RDX: variants seen among roughly 807,000 people sequenced by gnomAD.
The protein encoded by RDX is radixin, also known as deafness, autosomal recessive 24.
Under a neutral mutation model 83.7 loss-of-function variants are expected in RDX, and 32 were observed. The ratio of observed to expected loss-of-function variants is 0.38; its 90% CI spans 0.29 to 0.51. RDX has a LOEUF of 0.51. Ranked by LOEUF, RDX falls within the 20% of genes least tolerant of loss-of-function variation. The pLI is 0.87. For missense variants in RDX, 600 were observed against 689.9 expected (o/e 0.87, Z 1.46); for synonymous variants, 229 against 222.7 (o/e 1.03, Z -0.25).
chr11:110,272,560 T>A lies in RDX; in HGVS notation c.72A>T (p.Thr24=). The A allele has an allele frequency of 6.2e-7, 1 of 1,612,080 alleles. No homozygotes were observed. Among genetic ancestry groups the A allele is most frequent in the East Asian group, 2.2e-5 (1 of 44,830 alleles). ...CCTGGTCAAAAAGTTGTTTGCCAGTTGTATTGGGCTGAATGGCAAATTCCA... is the reference window on the plus strand; with the variant it reads ...CCTGGTCAAAAAGTTGTTTGCCAGTAGTATTGGGCTGAATGGCAAATTCCA... ...AELEFAIQPN[T]TGKQLFDQVV... is the part of the protein sequence containing the mutation. Residue 24 remains threonine, a synonymous_variant, in exon 3 of 14, where the codon ACA becomes ACT. Transcript: ENST00000645495.
intron 7 of RDX, among the ~76,000 whole-genome samples, chr11:110,256,096 T>C (rs1184326077): frequency 1.3e-5 from 2 of 152,344 alleles, no homozygotes; most frequent in East Asian, 3.9e-4. Flanking sequence ...TGCCTTTTCA[T>C]GTATTTTACT....
intron 14 of RDX, among the ~76,000 whole-genome samples, chr11:110,202,861 T>C (rs527657275): frequency 1.3e-5 from 2 of 152,258 alleles, no homozygotes; most frequent in East Asian, 3.9e-4. Context: ...AGATGGCTTT[T>C]ATCCTATTAA....
At chr11:110,189,158 A>G (rs1863049526) in intron 15 of RDX, among the ~76,000 whole-genome samples, 1 of 150,778 alleles carries the variant, frequency 6.6e-6, no homozygotes, top group East Asian at 2.0e-4. Context: ...GGTTGGAGGA[A>G]GATCTATCAT....
intron 14 of RDX, among the ~76,000 whole-genome samples, chr11:110,207,276 A>G (rs1863641391): frequency 6.6e-6 from 1 of 152,154 alleles, no homozygotes; most frequent in Non-Finnish European, 1.5e-5. Context: ...ACCTGGCCAT[A>G]AATGCACATT....
At chr11:110,266,856 G>A (rs1478149372) in intron 3 of RDX, among the ~76,000 whole-genome samples, 1 of 151,758 alleles carries the variant, frequency 6.6e-6, no homozygotes, top group Admixed American at 6.6e-5. Flanking sequence ...TCAAAATGCT[G>A]GGATTATAGA....
intron 1 of RDX, among the ~76,000 whole-genome samples, chr11:110,280,039 C>A (rs1309108112): frequency 1.3e-5 from 2 of 152,184 alleles, no homozygotes; most frequent in East Asian, 3.8e-4. Context: ...GGAAACATCA[C>A]TGCTTAGAGC....
At chr11:110,225,967 G>A (rs569375842), downstream of RDX, among the ~76,000 whole-genome samples, 1 of 151,318 alleles carries the variant, frequency 6.6e-6, no homozygotes, top group East Asian at 1.9e-4. Flanking sequence ...TCGGAAGGCT[G>A]AGGCAGGACA....
intron 14 of RDX, among the ~76,000 whole-genome samples, chr11:110,202,638 TCTCA>T (rs1297308604): frequency 6.8e-6 from 1 of 146,176 alleles, no homozygotes; most frequent in African/African-American, 2.6e-5. Flanking sequence ...GGACATGAGG[TCTCA>T]CTATGTTGCC....
Position 110,237,588 on chromosome 11 carries a change from T to C in RDX, c.1155A>G (p.Glu385=). ...GACGCTCCTTTTCAAGTCGTTCTGC[T>C]TCTTCTTTTGCTCGTTTTCGTTCTT... The part of the protein sequence containing the change: ...LDQERKRAKE[E]AERLEKERRA... The change falls in exon 11 of 14, where the codon GAA becomes GAG. Residue 385 remains glutamate, a synonymous_variant. Transcript: ENST00000645495. 2 of 1,614,222 alleles carry C rather than the reference T, an allele frequency of 1.2e-6. No individual in the cohort carries two copies. The highest frequency in any genetic ancestry group is 1.7e-6 in the Non-Finnish European group (2 of 1,180,030).
At chr11:110,207,261 A>AG (rs1863639903) in intron 14 of RDX, among the ~76,000 whole-genome samples, 1 of 152,154 alleles carries the variant, frequency 6.6e-6, no homozygotes. Context: ...GGCCTGAGCC[A>AG]CCGCACCTGG....
chr11:110,291,054 T>C (rs567071945), intron 1 of RDX, among the ~76,000 whole-genome samples: 1 of 152,128 alleles, frequency 6.6e-6, no homozygotes, highest in South Asian at 2.1e-4. Flanking sequence ...ATAATGAAAA[T>C]AACAGGGCTG....
At chr11:110,227,344 G>T (rs1166768006), downstream of RDX, among the ~76,000 whole-genome samples, 1 of 152,014 alleles carries the variant, frequency 6.6e-6, no homozygotes, top group Non-Finnish European at 1.5e-5. Context: ...TGGACATTTG[G>T]CTATACTGAT....
rs1446064661 is a variant in RDX at position 110,179,901 on chromosome 11, T to C, written c.*32-4667A>G. ...TTCTTTTTCTTTTTCTTTTTCTTTT[T>C]TCTTTTTTTTTTTTTTTTGAGACAG... On this transcript the variant is annotated intron_variant, in intron 15 of 15. Transcript: ENST00000528498. 4 of 386,164 alleles carry C rather than the reference T, an allele frequency of 1.0e-5. No individual in the cohort carries two copies. The East Asian group carries it at 3.5e-4, about 34-fold the overall frequency. The allele number at this position is 386,164 out of a possible 1,614,324, so 23.9% of individuals were successfully genotyped here. A position where few individuals can be genotyped will look rare whatever the true frequency, so the allele number is the denominator to read the frequency against.
intron 9 of RDX, 37 bp downstream of exon 9, chr11:110,253,906 ACTC>A (rs1859437471): frequency 6.3e-7 from 1 of 1,578,904 alleles, no homozygotes. Context: ...TAGATAGCCT[ACTC>A]CTATCAATTA....
At chr11:110,287,944 T>C (rs1402951403) in intron 1 of RDX, among the ~76,000 whole-genome samples, 1 of 152,230 alleles carries the variant, frequency 6.6e-6, no homozygotes, top group African/African-American at 2.4e-5. Flanking sequence ...GACAAGTTCA[T>C]TCGAAACAAT....
At chr11:110,199,296 T>C (rs979109289) in intron 15 of RDX, among the ~76,000 whole-genome samples, 3 of 152,204 alleles carry the variant, frequency 2.0e-5, no homozygotes, top group Admixed American at 6.5e-5. Flanking sequence ...ATCATTTTAA[T>C]AAATTCTAGC....
At chr11:110,214,895 GA>G (rs933725733) in intron 14 of RDX, among the ~76,000 whole-genome samples, 6 of 148,270 alleles carry the variant, frequency 4.0e-5, no homozygotes, top group Admixed American at 2.0e-4. Context: ...AATGCTAGAT[GA>G]CAAGTTAGTG....
chr11:110,285,489 A>C (rs989510575), intron 1 of RDX, among the ~76,000 whole-genome samples: 23 of 152,000 alleles, frequency 1.5e-4, no homozygotes, highest in Admixed American at 6.6e-4. Context: ...TGAGGCAGGC[A>C]GATCACTTAA....
At chr11:110,264,293 T>C in intron 4 of RDX, 59 bp from the exon 5 acceptor site, 1 of 1,164,280 alleles carries the variant, frequency 8.6e-7, no homozygotes, top group Non-Finnish European at 1.2e-6. Context: ...TAATTAGACC[T>C]AGTCACATCA....
Sources: gnomAD v4.1 joint callset for allele counts (sites outside exome capture counted in the v4.1 genomes callset) on GRCh38, gnomAD v4.1.1 for gene constraint, MANE v1.5 for transcripts, NCBI Gene and HGNC (gene_info 2026-07-23, HGNC 2026-07-21) for gene names.